SGCZ: variants seen among roughly 807,000 people sequenced by gnomAD.
SGCZ encodes the protein sarcoglycan zeta.
A neutral mutation model predicts 41.3 loss-of-function variants in SGCZ; 40 were observed. That is an observed-to-expected ratio of 0.97 (90% CI 0.75 to 1.26). The LOEUF (loss-of-function observed/expected upper bound fraction) is 1.26, where lower values mean the gene tolerates loss of function less well. Ranked by LOEUF, SGCZ falls within the 50% of genes most tolerant of loss-of-function variation. The pLI, the probability that SGCZ is intolerant of heterozygous loss-of-function variation, is 0.00. For missense variants in SGCZ, 552 were observed against 369.8 expected, an observed-to-expected ratio of 1.49 and a Z score of -4.04; for synonymous variants, 206 against 137.5, an observed-to-expected ratio of 1.50 and a Z score of -3.49.
chr8:14,850,799 C>T (rs2130652549), intron 1 of SGCZ, among the ~76,000 whole-genome samples: 1 of 152,198 alleles, frequency 6.6e-6, no homozygotes, highest in African/African-American at 2.4e-5. Flanking sequence ...TCTCAGGACA[C>T]CTGACAGTTT....
chr8:14,388,511 T>A (rs569463159), intron 2 of SGCZ, among the ~76,000 whole-genome samples: 1 of 152,216 alleles, frequency 6.6e-6, no homozygotes, highest in Admixed American at 6.5e-5. Flanking sequence ...AATATGCACA[T>A]ACACTATGAG....
At chr8:14,659,616 A>T (rs1316714381) in intron 1 of SGCZ, among the ~76,000 whole-genome samples, 1 of 152,210 alleles carries the variant, frequency 6.6e-6, no homozygotes, top group Admixed American at 6.6e-5. Context: ...CACTTAAAAT[A>T]GCTCAACATT....
chr8:14,516,437 A>G (rs1802622698), intron 2 of SGCZ, among the ~76,000 whole-genome samples: 1 of 152,106 alleles, frequency 6.6e-6, no homozygotes, highest in Admixed American at 6.6e-5. Context: ...AATCTAAGAC[A>G]CATTTATCAA....
intron 1 of SGCZ, among the ~76,000 whole-genome samples, chr8:15,216,981 A>G (rs1004971067): frequency 6.6e-6 from 1 of 152,112 alleles, no homozygotes; most frequent in Admixed American, 6.5e-5. Flanking sequence ...ATTGAAGACA[A>G]TCTTTCAGGG....
chr8:14,856,676 C>A (rs1014885115), intron 1 of SGCZ, among the ~76,000 whole-genome samples: 2 of 152,098 alleles, frequency 1.3e-5, no homozygotes, highest in South Asian at 4.1e-4. Context: ...AAATAATTCA[C>A]AAATTAAATC....
chr8:14,431,922 G>GA (rs1410236125), intron 2 of SGCZ, among the ~76,000 whole-genome samples: 1 of 152,018 alleles, frequency 6.6e-6, no homozygotes, highest in East Asian at 1.9e-4. Context: ...ACAAACATAT[G>GA]AAAAAATGCT....
chr8:14,347,411 G>A (rs899572486), intron 2 of SGCZ, among the ~76,000 whole-genome samples: 2 of 152,004 alleles, frequency 1.3e-5, no homozygotes, highest in Admixed American at 6.6e-5. Context: ...CTCCATATGT[G>A]ATTAATTGCA....
At chr8:14,649,407 T>C (rs1685051446) in intron 1 of SGCZ, among the ~76,000 whole-genome samples, 1 of 152,126 alleles carries the variant, frequency 6.6e-6, no homozygotes, top group Non-Finnish European at 1.5e-5. Flanking sequence ...TGGCTTCTGG[T>C]TCCCTAATTC....
At chr8:14,715,453 A>T (rs1021265591) in intron 1 of SGCZ, among the ~76,000 whole-genome samples, 2 of 152,076 alleles carry the variant, frequency 1.3e-5, no homozygotes, top group African/African-American at 4.8e-5. Context: ...TCTATGGCAT[A>T]AAGGTTGCAT....
At chr8:15,237,235 G>A (rs1399212707) in intron 1 of SGCZ, among the ~76,000 whole-genome samples, 2 of 146,416 alleles carry the variant, frequency 1.4e-5, no homozygotes, top group Non-Finnish European at 3.0e-5. Context: ...GCGACAGCGG[G>A]CAGAGCTGGT....
At chr8:14,318,196 AG>A (rs1801779271) in intron 3 of SGCZ, among the ~76,000 whole-genome samples, 1 of 151,782 alleles carries the variant, frequency 6.6e-6, no homozygotes. Context: ...GGAAGAGGAA[AG>A]GCGGGAAAGG....
chr8:14,435,832 G>A (rs1254856501), intron 2 of SGCZ, among the ~76,000 whole-genome samples: 1 of 152,110 alleles, frequency 6.6e-6, no homozygotes, highest in Non-Finnish European at 1.5e-5. Flanking sequence ...ATTTAACAGG[G>A]CTAGCCCATG....
At chr8:14,640,586 T>C (rs1395876685) in intron 1 of SGCZ, among the ~76,000 whole-genome samples, 2 of 151,606 alleles carry the variant, frequency 1.3e-5, no homozygotes, top group Non-Finnish European at 2.9e-5. Context: ...AAATAAAAAG[T>C]TGATAAACCA....
At chr8:14,619,535 G>C (rs920291859) in intron 1 of SGCZ, among the ~76,000 whole-genome samples, 10 of 152,126 alleles carry the variant, frequency 6.6e-5, no homozygotes, top group African/African-American at 1.9e-4. Flanking sequence ...TGTATATCTA[G>C]AAAACCCCAC....
intron 1 of SGCZ, among the ~76,000 whole-genome samples, chr8:15,086,597 T>G (rs776235717): frequency 4.6e-5 from 7 of 152,194 alleles, no homozygotes; most frequent in Non-Finnish European, 8.8e-5. Context: ...GTGTACATAG[T>G]GAAGCTGCAA....
intron 2 of SGCZ, among the ~76,000 whole-genome samples, chr8:14,513,040 T>A (rs2117079928): frequency 6.6e-6 from 1 of 152,286 alleles, no homozygotes; most frequent in African/African-American, 2.4e-5. Flanking sequence ...CGTGCCTTGC[T>A]CAGGCATACA....
intron 2 of SGCZ, among the ~76,000 whole-genome samples, chr8:14,375,702 T>C (rs376027025): frequency 3.9e-5 from 6 of 152,102 alleles, no homozygotes; most frequent in East Asian, 3.9e-4. Context: ...CCCAAACATA[T>C]GGGAAACATT....
At chr8:15,184,790 C>T (rs1446221050) in intron 1 of SGCZ, among the ~76,000 whole-genome samples, 2 of 152,114 alleles carry the variant, frequency 1.3e-5, no homozygotes, top group Admixed American at 1.3e-4. Flanking sequence ...GTTGATTCTT[C>T]CTTTTACCTG....
chr8:14,127,145 T>A (rs1802886545), intron 5 of SGCZ, among the ~76,000 whole-genome samples: 4 of 152,210 alleles, frequency 2.6e-5, no homozygotes, highest in Admixed American at 6.5e-5. Flanking sequence ...ACATGTATCC[T>A]GGGACTTAAA....
Sources: allele counts gnomAD v4.1 joint callset (sites outside exome capture counted in the v4.1 genomes callset), GRCh38; gene constraint gnomAD v4.1.1; transcripts MANE v1.5; gene names NCBI Gene and HGNC (gene_info 2026-07-23, HGNC 2026-07-21).